ZNF813: variants seen among roughly 807,000 people sequenced by gnomAD.
ZNF813 encodes the protein zinc finger protein 813.
ZNF813 carries 3 observed loss-of-function variants against 7.2 expected under a neutral mutation model. That is an observed-to-expected ratio of 0.42 (90% CI 0.19 to 1.08). The LOEUF (loss-of-function observed/expected upper bound fraction) is 1.08, where lower values mean the gene tolerates loss of function less well. ZNF813 is among the 50% of genes least tolerant of loss of function. ZNF813 has a pLI of 0.30. For synonymous variants in ZNF813, 227 were observed against 256.3 expected (o/e 0.89, Z 1.09); for missense variants, 714 against 753.3 (o/e 0.95, Z 0.61).
Position 53,490,554 on chromosome 19 carries a change from A to G in ZNF813, c.322A>G (p.Ser108Gly). The change falls in exon 4 of 4, where the codon AGC (serine) becomes GGC (glycine). Residue 108 changes from serine to glycine, a missense_variant. Physicochemically the swap from Ser to Gly is moderately conservative, Grantham distance 56. Around this residue, in one of 3 missense-constraint regions of ZNF813, gnomAD observed 563 missense variants for 554.2 expected, o/e 1.02. Coordinates refer to ENST00000396403, the MANE Select transcript of ZNF813 (RefSeq NM_001004301.4). ...EFQWQEDERNSHEAPMTEIKK... is the reference protein window; with the variant it reads ...EFQWQEDERNGHEAPMTEIKK... The stretch of plus-strand genomic sequence containing the variant: ...TCAGTGGCAAGAAGATGAAAGAAAT[A>G]GCCATGAAGCACCCATGACAGAAAT... The G allele has an allele frequency of 6.2e-7, 1 of 1,614,210 alleles. No individual in the cohort carries two copies. Among genetic ancestry groups the G allele is most frequent in the Non-Finnish European group, 8.5e-7 (1 of 1,180,036 alleles).
intron 1 of ZNF813, chr19:53,479,244 C>G (rs1268662711): frequency 4.3e-6 from 5 of 1,153,180 alleles, no homozygotes; most frequent in Non-Finnish European, 3.7e-6. Context: ...TGAGATAAAT[C>G]TTAGTTTTCA....
At chr19:53,481,341 A>ATTTTTTTTT (rs1180229389) in intron 1 of ZNF813, among the ~76,000 whole-genome samples, 2 of 89,214 alleles carry the variant, frequency 2.2e-5, no homozygotes, top group African/African-American at 1.2e-4. Context: ...GCACCCATGT[A>ATTTTTTTTT]TTCTTTTTTT....
intron 1 of ZNF813, among the ~76,000 whole-genome samples, chr19:53,469,784 C>G (rs111567472): frequency 0.024 from 3,451 of 144,540 alleles, 81 homozygotes; most frequent in South Asian, 0.044. Context: ...GGGATCTAGG[C>G]TGCCAGAGAG....
At chr19:53,478,271 G>A (rs1290813035) in intron 1 of ZNF813, among the ~76,000 whole-genome samples, 2 of 152,092 alleles carry the variant, frequency 1.3e-5, no homozygotes, top group Admixed American at 6.6e-5. Context: ...CTGGGCTTAA[G>A]CGATCCTCCT....
intron 3 of ZNF813, among the ~76,000 whole-genome samples, chr19:53,489,637 G>A (rs147684390): frequency 6.6e-4 from 100 of 152,166 alleles, no homozygotes; most frequent in African/African-American, 1.6e-3. Context: ...TTAAAAGAAC[G>A]TCATAACGTG....
intron 1 of ZNF813, among the ~76,000 whole-genome samples, chr19:53,481,311 C>T (rs2086407173): frequency 6.7e-6 from 1 of 148,812 alleles, no homozygotes; most frequent in African/African-American, 2.5e-5. Flanking sequence ...TTTTCCCCAA[C>T]ATGGAATGCT....
chr19:53,486,494 G>C, intron 2 of ZNF813, 138 bp from the exon 3 acceptor site: 7 of 1,551,636 alleles, frequency 4.5e-6, no homozygotes, highest in Non-Finnish European at 5.2e-6. Context: ...ACAAAATGTG[G>C]TGAAGAACCC....
intron 1 of ZNF813, among the ~76,000 whole-genome samples, chr19:53,475,638 T>C (rs569590394): frequency 6.6e-6 from 1 of 152,326 alleles, no homozygotes; most frequent in African/African-American, 2.4e-5. Context: ...ACCCAGACGG[T>C]TAGTTGCTGT....
At position 53,491,268 on chromosome 19, in the gene ZNF813, C is replaced by T. The variant is rs751852701; in HGVS notation, c.1036C>T (p.Arg346Cys). The T allele has an allele frequency of 1.4e-5, 23 of 1,613,988 alleles. No individual in the cohort carries two copies. The highest frequency in any genetic ancestry group is 2.2e-5 in the South Asian group (2 of 91,066). ...FSQTSSLTCH[R>C]RLHTGEKPFK... ...TCAGACGTCATCCCTTACATGCCAT[C>T]GTAGACTTCATACTGGAGAGAAACC... The change falls in exon 4 of 4, where the codon CGT (arginine) becomes TGT (cysteine). Residue 346 changes from arginine (R) to cysteine (C), a missense_variant. Around this residue, in one of 3 missense-constraint regions of ZNF813, gnomAD observed 563 missense variants for 554.2 expected, o/e 1.02. Transcript: ENST00000396403.
chr19:53,470,160 T>TCCTTCCTTCC (rs146034098), intron 1 of ZNF813, among the ~76,000 whole-genome samples: 4 of 129,126 alleles, frequency 3.1e-5, no homozygotes, highest in East Asian at 2.6e-4. Context: ...TTTCTTTCTT[T>TCCTTCCTTCC]TTCTTTTCTT....
intron 3 of ZNF813, 52 bp from the exon 4 acceptor site, chr19:53,490,323 T>C: frequency 6.4e-7 from 1 of 1,565,896 alleles, no homozygotes; most frequent in South Asian, 1.2e-5. Flanking sequence ...CATTTCAGTA[T>C]TATTTACCAT....
intron 1 of ZNF813, chr19:53,479,704 T>A (rs1230510934): frequency 2.5e-5 from 29 of 1,156,312 alleles, no homozygotes; most frequent in Non-Finnish European, 3.6e-5. Context: ...ACATTGCAGA[T>A]GAGGCAGATG....
chr19:53,476,804 C>T (rs963870682), intron 1 of ZNF813, among the ~76,000 whole-genome samples: 7 of 152,046 alleles, frequency 4.6e-5, no homozygotes, highest in Non-Finnish European at 7.4e-5. Context: ...GCTGGGACTA[C>T]AGGGGCCCGC....
chr19:53,470,399 T>TGA, intron 1 of ZNF813, among the ~76,000 whole-genome samples: 1 of 149,948 alleles, frequency 6.7e-6, no homozygotes, highest in African/African-American at 2.5e-5. Flanking sequence ...TTTTCTCCCT[T>TGA]TGCTTTTTAT....
At chr19:53,482,212 A>G (rs2086411703) in intron 1 of ZNF813, among the ~76,000 whole-genome samples, 1 of 152,208 alleles carries the variant, frequency 6.6e-6, no homozygotes, top group Non-Finnish European at 1.5e-5. Flanking sequence ...AAAAAAATGC[A>G]AAAGAATGGA....
In ZNF813 at chr19:53,490,604, C is replaced by G; in HGVS notation, c.372C>G (p.Asp124Glu). 1 of 1,614,118 alleles carries G rather than the reference C, an allele frequency of 6.2e-7. No homozygotes were observed. Among genetic ancestry groups the G allele is most frequent in the Non-Finnish European group, 8.5e-7 (1 of 1,180,022 alleles). The change falls in exon 4 of 4, where the codon GAC becomes GAG. Residue 124 changes from aspartate to glutamate, a missense_variant. Coordinates refer to ENST00000396403, the MANE Select transcript of ZNF813 (RefSeq NM_001004301.4). ...TCAAAAAGTTGACTGGTAGTGCAGA[C>G]CGATATGATCAAAGGCATGCTGGAA... The part of the protein sequence containing the change: ...TEIKKLTGSA[D>E]RYDQRHAGNK...
At chr19:53,486,205 T>C (rs912730132) in intron 2 of ZNF813, among the ~76,000 whole-genome samples, 3 of 152,150 alleles carry the variant, frequency 2.0e-5, no homozygotes, top group African/African-American at 7.2e-5. Context: ...CGCATGTAAT[T>C]CCAGCACTTT....
At position 53,492,012 on chromosome 19, in the gene ZNF813, C is replaced by G. The variant is rs1568433526; in HGVS notation, c.1780C>G (p.Leu594Val). 1.2e-6 allele frequency: 2 copies of G among 1,613,884 alleles called. No homozygotes were observed. The highest frequency in any genetic ancestry group is 2.2e-5 in the South Asian group (2 of 91,074). The change falls in exon 4 of 4, where the codon CTT becomes GTT. Residue 594 changes from leucine (L) to valine (V), a missense_variant. Transcript: ENST00000396403. ...CGKVFNQKAN[L>V]ARHHRLHTGE... ...CAAGGTTTTTAATCAAAAAGCAAAC[C>G]TTGCACGTCATCATAGACTTCATAC... is the stretch of plus-strand genomic sequence containing the variant.
Position 53,491,800 on chromosome 19 carries a change from A to G in ZNF813, c.1568A>G (p.Tyr523Cys), listed in dbSNP as rs2086464575. ...AGACTTCATACTGGAGAGAAACCTT[A>G]CAAGTGTAATGAATGTGGCAAGGTT... The part of the protein sequence containing the change: ...HHRLHTGEKP[Y>C]KCNECGKVFN... Residue 523 changes from tyrosine to cysteine, a missense_variant, in exon 4 of 4, where the codon TAC (tyrosine) becomes TGC (cysteine). By Grantham distance (194) the Tyr-to-Cys change is radical. Around this residue, in one of 3 missense-constraint regions of ZNF813, gnomAD observed 122 missense variants for 146.8 expected, o/e 0.83. Coordinates refer to ENST00000396403, the MANE Select transcript of ZNF813 (RefSeq NM_001004301.4). 1.2e-6 allele frequency: 2 copies of G among 1,613,720 alleles called. No homozygotes were observed. Among genetic ancestry groups the G allele is most frequent in the African/African-American group, 1.3e-5 (1 of 74,926 alleles).
Sources: gnomAD v4.1 joint callset for allele counts (sites outside exome capture counted in the v4.1 genomes callset) on GRCh38, gnomAD v4.1.1 for gene constraint, gnomAD v4.1.1 regional missense constraint, MANE v1.5 for transcripts, NCBI Gene and HGNC (gene_info 2026-07-23, HGNC 2026-07-21) for gene names.